Variants in MRRF observed in about 807,000 individuals in gnomAD.
MRRF encodes mitochondrial ribosome recycling factor.
In MRRF, 18 loss-of-function variants were observed where a neutral mutation model predicts 25.1. That is an observed-to-expected ratio of 0.72 (90% CI 0.50 to 1.06). The LOEUF is 1.06. Ranked by LOEUF, MRRF falls within the 50% of genes least tolerant of loss-of-function variation. MRRF has a pLI of 0.00. For synonymous variants in MRRF, 113 were observed against 112.1 expected, an observed-to-expected ratio of 1.01 and a Z score of -0.05; for missense variants, 323 against 319.3, an observed-to-expected ratio of 1.01 and a Z score of -0.09.
chr9:122,320,956 G>T (rs1835857905), intron 6 of MRRF, among the ~76,000 whole-genome samples: 2 of 152,162 alleles, frequency 1.3e-5, no homozygotes, highest in South Asian at 4.1e-4. Flanking sequence ...AAACTGTATT[G>T]TGTTTTTTCA....
chr9:122,287,194 A>C (rs1206360552), intron 4 of MRRF, among the ~76,000 whole-genome samples: 1 of 152,212 alleles, frequency 6.6e-6, no homozygotes, highest in Non-Finnish European at 1.5e-5. Flanking sequence ...ACTAGTGTAC[A>C]TTTGTGTACA....
intron 1 of MRRF, 41 bp from the exon 2 acceptor site, chr9:122,270,823 G>C (rs1832400315): frequency 6.6e-7 from 1 of 1,520,442 alleles, no homozygotes; most frequent in Non-Finnish European, 9.1e-7. Flanking sequence ...TTTGTACTTA[G>C]ATCTTTTACT....
chr9:122,320,832 A>G (rs1049358958), intron 6 of MRRF, among the ~76,000 whole-genome samples: 4 of 152,202 alleles, frequency 2.6e-5, no homozygotes, highest in South Asian at 2.1e-4. Flanking sequence ...AACAGCCGCT[A>G]TGCTGCTGAG....
chr9:122,319,300 G>C (rs1177014692), intron 6 of MRRF, among the ~76,000 whole-genome samples: 1 of 151,852 alleles, frequency 6.6e-6, no homozygotes, highest in Admixed American at 6.6e-5. Flanking sequence ...ACAGGCTCCC[G>C]CCACCATGCC....
At chr9:122,319,904 A>T (rs1835781595) in intron 6 of MRRF, among the ~76,000 whole-genome samples, 1 of 125,762 alleles carries the variant, frequency 8.0e-6, no homozygotes, top group Admixed American at 8.8e-5. Flanking sequence ...TTTGAGAGAG[A>T]GTCTCTGTTG....
At chr9:122,321,276 A>C (rs1835875488) in intron 6 of MRRF, among the ~76,000 whole-genome samples, 1 of 152,196 alleles carries the variant, frequency 6.6e-6, no homozygotes, top group South Asian at 2.1e-4. Flanking sequence ...CAATTCAAGG[A>C]TAATGTGAGC....
At chr9:122,273,001 C>T (rs1338760687) in intron 2 of MRRF, among the ~76,000 whole-genome samples, 1 of 152,100 alleles carries the variant, frequency 6.6e-6, no homozygotes, top group Non-Finnish European at 1.5e-5. Context: ...CTTATCTCTC[C>T]CTTCAGTAAA....
chr9:122,301,062 T>C (rs1339193363), intron 5 of MRRF, among the ~76,000 whole-genome samples: 1 of 152,184 alleles, frequency 6.6e-6, no homozygotes, highest in Admixed American at 6.5e-5. Context: ...TTTTTGGGGA[T>C]GATAGACTTT....
chr9:122,309,182 TTTATGCTAACTGTTTTTTATGC>T (rs1282729880), intron 5 of MRRF, among the ~76,000 whole-genome samples: 1 of 152,206 alleles, frequency 6.6e-6, no homozygotes, highest in East Asian at 1.9e-4. Context: ...CATAATGTTT[TTTATGCTAACTGTTTTTTATGC>T]TAAGGTTCAT....
At chr9:122,297,657 G>C (rs1290464067) in intron 5 of MRRF, among the ~76,000 whole-genome samples, 1 of 152,170 alleles carries the variant, frequency 6.6e-6, no homozygotes, top group Admixed American at 6.5e-5. Context: ...CCTACTTCCT[G>C]TTCTGCTGGG....
At chr9:122,321,967 G>A (rs1835916325) in intron 6 of MRRF, among the ~76,000 whole-genome samples, 1 of 152,168 alleles carries the variant, frequency 6.6e-6, no homozygotes, top group Non-Finnish European at 1.5e-5. Flanking sequence ...TTCTAGCTAT[G>A]TGTCCTGAAT....
chr9:122,321,321 A>G (rs1835878786), intron 6 of MRRF, among the ~76,000 whole-genome samples: 1 of 152,242 alleles, frequency 6.6e-6, no homozygotes. Context: ...TGTTATTCAT[A>G]TTAACACCCT....
At chr9:122,309,914 A>G (rs948913709) in intron 5 of MRRF, among the ~76,000 whole-genome samples, 5 of 152,224 alleles carry the variant, frequency 3.3e-5, no homozygotes, top group Non-Finnish European at 4.4e-5. Context: ...ATCTTGCCAT[A>G]GCATAGATCT....
intron 1 of MRRF, among the ~76,000 whole-genome samples, chr9:122,270,620 G>A (rs1264123981): frequency 6.6e-6 from 1 of 152,182 alleles, no homozygotes; most frequent in Non-Finnish European, 1.5e-5. Flanking sequence ...CTTGGGGTTT[G>A]GAGTCCAAAG....
At chr9:122,281,738 C>T (rs1422847536) in intron 3 of MRRF, among the ~76,000 whole-genome samples, 2 of 152,140 alleles carry the variant, frequency 1.3e-5, no homozygotes, top group African/African-American at 4.8e-5. Context: ...AAATGTGATA[C>T]TTAAAATTAG....
intron 3 of MRRF, among the ~76,000 whole-genome samples, chr9:122,284,852 C>T (rs546073020): frequency 2.0e-5 from 3 of 152,292 alleles, no homozygotes; most frequent in African/African-American, 7.2e-5. Flanking sequence ...GTGGCCAGTA[C>T]GGCTCACTGT....
chr9:122,286,285 C>T, intron 4 of MRRF: 3 of 1,036,722 alleles, frequency 2.9e-6, no homozygotes, highest in Non-Finnish European at 3.8e-6. Context: ...AGGGAAAGCC[C>T]TTGCTGTGAA....
At chr9:122,294,198 A>C (rs1170357848) in intron 5 of MRRF, among the ~76,000 whole-genome samples, 1 of 152,156 alleles carries the variant, frequency 6.6e-6, no homozygotes, top group Non-Finnish European at 1.5e-5. Flanking sequence ...AAGCTCCAAA[A>C]TACTGTGGGG....
rs187376060 is a variant in MRRF at position 122,304,182 on chromosome 9, A to T, written c.552-9045A>T. Among the ~76,000 whole-genome samples the T allele has an allele frequency of 2.2e-3, 333 of 152,278 alleles. 1 individual carries two copies. The highest frequency in any genetic ancestry group is 2.1e-3 in the Non-Finnish European group (143 of 68,028). On this transcript the variant is annotated intron_variant, in intron 5 of 6. Transcript: ENST00000344641. ...TTGGGCTGGGGCAGCCACAAACTGC[A>T]TTTGAGCAACTGCAGCTGCTTCTTT...
Sources: allele counts gnomAD v4.1 joint callset (sites outside exome capture counted in the v4.1 genomes callset), GRCh38; gene constraint gnomAD v4.1.1; transcripts MANE v1.5; gene names NCBI Gene and HGNC (gene_info 2026-07-23, HGNC 2026-07-21).